HK2: variants seen among roughly 807,000 people sequenced by gnomAD.
HK2 encodes the protein hexokinase 2.
In HK2, 42 loss-of-function variants were observed where a neutral mutation model predicts 92.9. The observed-to-expected ratio is 0.45, with a 90% confidence interval of 0.35 to 0.58. The LOEUF (loss-of-function observed/expected upper bound fraction) is 0.58, where lower values mean the gene tolerates loss of function less well. Ranked by LOEUF, HK2 falls within the 20% of genes least tolerant of loss-of-function variation. HK2 has a pLI of 0.00. For missense variants in HK2, 978 were observed against 1,245.1 expected (o/e 0.79, Z 3.23); for synonymous variants, 422 against 468.0 (o/e 0.90, Z 1.27).
At chr2:74,851,694 C>G (rs1688573049) in intron 1 of HK2, among the ~76,000 whole-genome samples, 1 of 152,142 alleles carries the variant, frequency 6.6e-6, no homozygotes, top group African/African-American at 2.4e-5. Flanking sequence ...CACCAAGAAG[C>G]TTCTGGGCCT....
intron 2 of HK2, among the ~76,000 whole-genome samples, chr2:74,864,679 GTAT>G (rs1191757518): frequency 6.6e-6 from 1 of 151,896 alleles, no homozygotes; most frequent in Non-Finnish European, 1.5e-5. Flanking sequence ...GCAAATTTTT[GTAT>G]TATTAGTAGA....
intron 1 of HK2, among the ~76,000 whole-genome samples, chr2:74,853,280 G>A (rs28362983): frequency 0.047 from 7,132 of 152,140 alleles, 250 homozygotes; most frequent in East Asian, 0.2. Context: ...ACTTTGGGAG[G>A]CCGAGGCAGG....
At chr2:74,867,822 A>G (rs1688996066) in intron 3 of HK2, 38 bp downstream of exon 3, 1 of 1,612,762 alleles carries the variant, frequency 6.2e-7, no homozygotes, top group Non-Finnish European at 8.5e-7. Context: ...TGGTGACAAA[A>G]AACTTCCTTG....
intron 2 of HK2, among the ~76,000 whole-genome samples, chr2:74,860,896 AT>A (rs748975692): frequency 8.5e-4 from 130 of 152,190 alleles, no homozygotes; most frequent in Non-Finnish European, 2.9e-4. Flanking sequence ...CCTCAATAGC[AT>A]TTGTTGTCTG....
chr2:74,844,046 G>T (rs1688378715), intron 1 of HK2, among the ~76,000 whole-genome samples: 1 of 152,146 alleles, frequency 6.6e-6, no homozygotes, highest in Non-Finnish European at 1.5e-5. Flanking sequence ...CCAGACCCAG[G>T]CAATGTGACT....
rs981531850 is a variant in HK2, at chr2:74,874,483, C to G, written c.875+34C>G. 2.6e-6 allele frequency: 4 copies of G among 1,559,270 alleles called. No individual in the cohort carries two copies. The Admixed American group carries it at 5.7e-5, about 22-fold the overall frequency. The stretch of plus-strand genomic sequence containing the variant: ...GCCCTTCCTGTGCGAGTGGGCTTGG[C>G]GGGGGCCTGGAGCTGAGTCTGGGGC... On this transcript the variant is annotated intron_variant, in intron 7 of 17. Coordinates refer to ENST00000290573, the MANE Select transcript of HK2 (RefSeq NM_000189.5).
chr2:74,840,009 A>G (rs13405909), intron 1 of HK2, among the ~76,000 whole-genome samples: 32,321 of 127,542 alleles, frequency 0.25, 4,136 homozygotes, highest in Middle Eastern at 0.41. Flanking sequence ...AGGCTGGAGT[A>G]CAGTGGCGTG....
chr2:74,864,831 C>T (rs751389957), intron 2 of HK2, among the ~76,000 whole-genome samples: 10 of 152,232 alleles, frequency 6.6e-5, no homozygotes, highest in Admixed American at 5.9e-4. Flanking sequence ...TGTTCACATA[C>T]AACATAGTCC....
Position 74,851,627 on chromosome 2 carries a change from C to T in HK2, c.64-2666C>T, listed in dbSNP as rs146879209. On this transcript the variant is annotated intron_variant, in intron 1 of 17. Coordinates refer to ENST00000290573, the MANE Select transcript of HK2 (RefSeq NM_000189.5). ...GGCTCAGCTCCTCAGTGCAGGAACT[C>T]CTGTGCCCTTTGCAAACACCTGAAG... 2.3e-4 allele frequency among the ~76,000 whole-genome samples: 35 copies of T among 152,312 alleles called. 1 individual carries two copies. In the South Asian group the frequency reaches 3.9e-3, roughly 17 times the overall value.
At chr2:74,849,721 G>C (rs112868449) in intron 1 of HK2, among the ~76,000 whole-genome samples, 170 of 152,328 alleles carry the variant, frequency 1.1e-3, no homozygotes, top group African/African-American at 3.9e-3. Flanking sequence ...GGGGGTGATA[G>C]AGAACTCTTT....
At chr2:74,883,197 A>G (rs1463157070) in intron 12 of HK2, among the ~76,000 whole-genome samples, 1 of 152,184 alleles carries the variant, frequency 6.6e-6, no homozygotes, top group Non-Finnish European at 1.5e-5. Flanking sequence ...TATGTTGCAC[A>G]TGCCACTGCT....
intron 2 of HK2, among the ~76,000 whole-genome samples, chr2:74,859,177 A>G (rs1688758676): frequency 6.6e-6 from 1 of 152,200 alleles, no homozygotes; most frequent in Non-Finnish European, 1.5e-5. Flanking sequence ...CCTTCTATCC[A>G]TCAGTCCAGC....
chr2:74,874,522 G>A, intron 7 of HK2, 73 bp downstream of exon 7: 2 of 1,441,108 alleles, frequency 1.4e-6, no homozygotes, highest in Non-Finnish European at 1.9e-6. Flanking sequence ...TCGGGGCCAG[G>A]GGGTTGTTTC....
Position 74,890,909 on chromosome 2 carries a change from G to T in HK2, c.2722G>T (p.Ala908Ser), listed in dbSNP as rs1192336922. The change falls in exon 18 of 18, where the codon GCC (alanine) becomes TCC (serine). Residue 908 changes from alanine (A) to serine (S), a missense_variant. Ala to Ser is a moderately conservative substitution (Grantham distance 99, BLOSUM62 1). Coordinates refer to ENST00000290573, the MANE Select transcript of HK2 (RefSeq NM_000189.5). Reference protein sequence around the residue: ...GKGAALITAVACRIREAGQR With the variant: ...GKGAALITAVSCRIREAGQR ...GGGGGCGGCGCTCATCACTGCTGTG[G>T]CCTGCCGCATCCGTGAGGCTGGACA... 6.2e-7 allele frequency: 1 copy of T among 1,614,170 alleles called. No individual in the cohort carries two copies. The highest frequency in any genetic ancestry group is 8.5e-7 in the Non-Finnish European group (1 of 1,180,034).
chr2:74,863,432 G>A (rs927190514), intron 2 of HK2, among the ~76,000 whole-genome samples: 1 of 152,226 alleles, frequency 6.6e-6, no homozygotes. Context: ...ATGACACGGA[G>A]TATTGAATAC....
In HK2 at chr2:74,877,235, G is replaced by A. The variant is rs1461434749; in HGVS notation, c.945G>A (p.Lys315=). The change falls in exon 8 of 18, where the codon AAG becomes AAA. Residue 315 remains lysine (K), a synonymous_variant. Transcript: ENST00000290573. ...LVRLILVKMA[K]EELLFGGKLS... ...GGCTTATCCTGGTGAAGATGGCCAAGGAGGAGCTGCTCTTTGGGGGGAAGC... is the reference window on the plus strand; with the variant it reads ...GGCTTATCCTGGTGAAGATGGCCAAAGAGGAGCTGCTCTTTGGGGGGAAGC... The A allele has an allele frequency of 6.8e-6, 11 of 1,614,148 alleles. No individual in the cohort carries two copies. Among genetic ancestry groups the A allele is most frequent in the Non-Finnish European group, 9.3e-6 (11 of 1,180,002 alleles).
Position 74,890,889 on chromosome 2 carries a change from C to G in HK2, c.2702C>G (p.Ala901Gly), listed in dbSNP as rs755192652. Residue 901 changes from alanine to glycine, a missense_variant, in exon 18 of 18, where the codon GCG becomes GGG. Physicochemically the swap from Ala to Gly is moderately conservative, Grantham distance 60. Around this residue, in one of 3 missense-constraint regions of HK2, gnomAD observed 742 missense variants for 922.5 expected, o/e 0.80. Transcript: ENST00000290573. Reference sequence around the variant, plus strand: ...TCAGAGGATGGCAGCGGGAAGGGGGCGGCGCTCATCACTGCTGTGGCCTGC... The same window carrying G: ...TCAGAGGATGGCAGCGGGAAGGGGGGGGCGCTCATCACTGCTGTGGCCTGC... ...LQSEDGSGKG[A>G]ALITAVACRI... The G allele has an allele frequency of 6.2e-7, 1 of 1,614,204 alleles. No homozygotes were observed. Among genetic ancestry groups the G allele is most frequent in the Non-Finnish European group, 8.5e-7 (1 of 1,180,044 alleles).
At chr2:74,846,284 G>T (rs1688433003) in intron 1 of HK2, among the ~76,000 whole-genome samples, 1 of 151,232 alleles carries the variant, frequency 6.6e-6, no homozygotes, top group Non-Finnish European at 1.5e-5. Flanking sequence ...ACTGTGTATA[G>T]TGGGTAAACT....
Position 74,834,129 on chromosome 2 carries a change from A to T in HK2, c.-452A>T, listed in dbSNP as rs1573344410. The T allele has an allele frequency of 3.0e-6, 1 of 328,822 alleles. No individual in the cohort carries two copies. The highest frequency in any genetic ancestry group is 6.0e-6 in the Non-Finnish European group (1 of 166,548). 20.4% of individuals were successfully genotyped at this position (328,822 alleles called of 1,614,324 possible). A position where few individuals can be genotyped will look rare whatever the true frequency, so the allele number is the denominator to read the frequency against. On this transcript the variant is annotated 5_prime_UTR_variant, in exon 1 of 18. Coordinates refer to ENST00000290573, the MANE Select transcript of HK2 (RefSeq NM_000189.5). This position sits in a 1 kb window ranked among gnomAD's most constrained non-coding sequence, Gnocchi z 4.2. ...GGCCGGCAGCCCCTCAATAAGCCAC[A>T]TTGTTGCATGAAACTCCGGCGCAGG...
Sources: gnomAD v4.1 joint callset for allele counts (sites outside exome capture counted in the v4.1 genomes callset) on GRCh38, gnomAD v4.1.1 for gene constraint, gnomAD v4.1.1 regional missense constraint, Gnocchi (gnomAD v3.1) non-coding constraint, MANE v1.5 for transcripts, NCBI Gene and HGNC (gene_info 2026-07-23, HGNC 2026-07-21) for gene names.